Variants in MDGA2 observed in about 807,000 individuals in gnomAD.
The protein encoded by MDGA2 is MAM domain-containing glycosylphosphatidylinositol anchor protein 2.
Under a neutral mutation model 117.8 loss-of-function variants are expected in MDGA2, and 40 were observed. The observed-to-expected ratio is 0.34, with a 90% CI of 0.26 to 0.44. The LOEUF (loss-of-function observed/expected upper bound fraction) is 0.44, where lower values mean the gene tolerates loss of function less well. Ranked by LOEUF, MDGA2 falls within the 20% of genes least tolerant of loss-of-function variation. The pLI is 1.00. For missense variants in MDGA2, 1,123 were observed against 1,250.6 expected (o/e 0.90, Z 1.54); for synonymous variants, 452 against 439.0 (o/e 1.03, Z -0.37).
At chr14:47,007,094 A>T (rs1162125354) in intron 8 of MDGA2, among the ~76,000 whole-genome samples, 1 of 151,786 alleles carries the variant, frequency 6.6e-6, no homozygotes, top group East Asian at 1.9e-4. Flanking sequence ...TCCATGGAGG[A>T]TACATTGAGG....
At chr14:46,866,235 C>T (rs1028105468) in intron 14 of MDGA2, among the ~76,000 whole-genome samples, 2 of 151,990 alleles carry the variant, frequency 1.3e-5, no homozygotes, top group African/African-American at 4.8e-5. Context: ...AGAAATAATG[C>T]CACATATCCA....
At chr14:47,229,366 C>G (rs962554827) in intron 2 of MDGA2, among the ~76,000 whole-genome samples, 1 of 151,982 alleles carries the variant, frequency 6.6e-6, no homozygotes, top group African/African-American at 2.4e-5. Context: ...ACCATGAAGC[C>G]ACTATACCAT....
chr14:47,617,902 A>T (rs966305376), intron 1 of MDGA2, among the ~76,000 whole-genome samples: 2 of 152,188 alleles, frequency 1.3e-5, no homozygotes, highest in Non-Finnish European at 2.9e-5. Flanking sequence ...GATTTATATT[A>T]AAAAATGCCA....
At chr14:47,242,570 G>A (rs1441459291) in intron 2 of MDGA2, among the ~76,000 whole-genome samples, 7 of 151,828 alleles carry the variant, frequency 4.6e-5, no homozygotes, top group Admixed American at 4.6e-4. Flanking sequence ...CCGGGCAATG[G>A]GGGACTTAGC....
rs1893093393 is a variant in MDGA2 at position 47,445,056 on chromosome 14, G to A, written c.281-143506C>T. The stretch of plus-strand genomic sequence containing the variant: ...AGGTGAGACTCTGTAGGATATGCAT[G>A]GAGAGAGAAAGTGGAAAAGATGGTT... On this transcript the variant is annotated intron_variant, in intron 1 of 16. Coordinates refer to ENST00000399232, the MANE Select transcript of MDGA2 (RefSeq NM_001113498.3). Among the ~76,000 whole-genome samples the A allele has an allele frequency of 2.6e-5, 4 of 152,224 alleles. No individual in the cohort carries two copies. The East Asian group carries it at 7.7e-4, about 29-fold the overall frequency.
intron 1 of MDGA2, among the ~76,000 whole-genome samples, chr14:47,511,929 TTG>T (rs1021087757): frequency 6.6e-6 from 1 of 151,974 alleles, no homozygotes; most frequent in Admixed American, 6.6e-5. Flanking sequence ...AAACAGGGGT[TTG>T]TGTGTGTGTG....
chr14:47,162,226 T>C (rs1204543777), intron 3 of MDGA2, among the ~76,000 whole-genome samples: 1 of 152,106 alleles, frequency 6.6e-6, no homozygotes, highest in Non-Finnish European at 1.5e-5. Context: ...ATTACAGGCA[T>C]AAGCCACCGA....
intron 1 of MDGA2, among the ~76,000 whole-genome samples, chr14:47,534,632 ACCAAGT>A (rs1346238745): frequency 6.6e-6 from 1 of 152,058 alleles, no homozygotes; most frequent in Non-Finnish European, 1.5e-5. Context: ...ATCACCTCCC[ACCAAGT>A]CCCCCCCTCC....
chr14:46,941,265 T>C (rs1465204999), intron 9 of MDGA2, among the ~76,000 whole-genome samples: 1 of 152,180 alleles, frequency 6.6e-6, no homozygotes, highest in Non-Finnish European at 1.5e-5. Context: ...ATTTCTTAAG[T>C]AATGCTCACT....
At chr14:46,919,538 T>C (rs1372063357) in intron 10 of MDGA2, among the ~76,000 whole-genome samples, 1 of 152,232 alleles carries the variant, frequency 6.6e-6, no homozygotes, top group Non-Finnish European at 1.5e-5. Context: ...TTTACAAAAG[T>C]ATTTCTATTT....
chr14:46,896,800 A>T (rs1281278077), intron 10 of MDGA2, among the ~76,000 whole-genome samples: 1 of 152,158 alleles, frequency 6.6e-6, no homozygotes, highest in Non-Finnish European at 1.5e-5. Context: ...GGACAATATG[A>T]CAAGAAATGC....
At chr14:47,400,331 T>C (rs552680814) in intron 1 of MDGA2, among the ~76,000 whole-genome samples, 1 of 152,186 alleles carries the variant, frequency 6.6e-6, no homozygotes, top group Non-Finnish European at 1.5e-5. Flanking sequence ...TTTATGACTA[T>C]TATTTTTTCT....
At chr14:47,248,206 AAAAT>A (rs1201293039) in intron 2 of MDGA2, among the ~76,000 whole-genome samples, 65 of 151,708 alleles carry the variant, frequency 4.3e-4, no homozygotes, top group African/African-American at 1.5e-3. Flanking sequence ...AATAAGTGAA[AAAAT>A]AAATAAAAAA....
chr14:47,603,651 C>G lies in MDGA2; in HGVS notation c.280+70866G>C, dbSNP rs111592671. Among the ~76,000 whole-genome samples, 96 of 152,240 alleles carry G rather than the reference C, an allele frequency of 6.3e-4. 1 individual carries two copies. The highest frequency in any genetic ancestry group is 2.1e-3 in the African/African-American group (89 of 41,556). ...TCTCTCTCTGTTTCTCTTGTTCTCTCTTTCTGCTCTCTTCCCTTCCTCGTT... is the reference window on the plus strand; with the variant it reads ...TCTCTCTCTGTTTCTCTTGTTCTCTGTTTCTGCTCTCTTCCCTTCCTCGTT... On this transcript the variant is annotated intron_variant, in intron 1 of 16. Transcript: ENST00000399232.
intron 1 of MDGA2, among the ~76,000 whole-genome samples, chr14:47,515,747 G>C (rs190404386): frequency 6.2e-4 from 94 of 152,188 alleles, no homozygotes; most frequent in African/African-American, 2.1e-3. Flanking sequence ...AACTTTGAAG[G>C]ACAGTATATG....
At chr14:47,214,442 G>A (rs999140599) in intron 3 of MDGA2, among the ~76,000 whole-genome samples, 1 of 151,956 alleles carries the variant, frequency 6.6e-6, no homozygotes, top group South Asian at 2.1e-4. Flanking sequence ...CCTATAAATT[G>A]AGGAACATGA....
At chr14:47,324,330 GA>G (rs1234580850) in intron 1 of MDGA2, among the ~76,000 whole-genome samples, 5 of 152,294 alleles carry the variant, frequency 3.3e-5, no homozygotes, top group Non-Finnish European at 5.9e-5. Flanking sequence ...ATAATTAGGA[GA>G]GTCAGATACA....
chr14:47,239,901 G>C (rs1886983783), intron 2 of MDGA2, among the ~76,000 whole-genome samples: 1 of 151,500 alleles, frequency 6.6e-6, no homozygotes, highest in South Asian at 2.1e-4. Flanking sequence ...GAGTTTAGTA[G>C]CAATCTTTTT....
intron 1 of MDGA2, among the ~76,000 whole-genome samples, chr14:47,347,468 G>C (rs1251534169): frequency 6.6e-6 from 1 of 152,116 alleles, no homozygotes; most frequent in African/African-American, 2.4e-5. Context: ...GGGCATAAAG[G>C]AATGGAAAGA....
Sources: allele counts gnomAD v4.1 joint callset (sites outside exome capture counted in the v4.1 genomes callset), GRCh38; gene constraint gnomAD v4.1.1; transcripts MANE v1.5; gene names NCBI Gene and HGNC (gene_info 2026-07-23, HGNC 2026-07-21).